The following CACNA1D variants were observed in gnomAD, a reference collection of about 807,000 sequenced individuals.
CACNA1D encodes the protein voltage-dependent L-type calcium channel subunit alpha-1D.
CACNA1D carries 55 observed loss-of-function variants against 257.1 expected under a neutral mutation model. That is an observed-to-expected ratio of 0.21 (90% confidence interval 0.17 to 0.27). The LOEUF (loss-of-function observed/expected upper bound fraction) is 0.27, where lower values mean the gene tolerates loss of function less well. Among genes scored for constraint, CACNA1D ranks in the 10% least tolerant of loss-of-function variants. CACNA1D has a pLI of 1.00. For synonymous variants in CACNA1D, 980 were observed against 1,014.9 expected (o/e 0.97, Z 0.65); for missense variants, 1,876 against 2,784.0 (o/e 0.67, Z 7.34).
intron 3 of CACNA1D, among the ~76,000 whole-genome samples, chr3:53,568,306 A>G (rs1254678008): frequency 6.6e-6 from 1 of 152,170 alleles, no homozygotes; most frequent in Admixed American, 6.5e-5. Flanking sequence ...ACTTCACACC[A>G]CTGGCATTGA....
chr3:53,696,889 G>A (rs2094577925), intron 8 of CACNA1D, among the ~76,000 whole-genome samples: 1 of 152,174 alleles, frequency 6.6e-6, no homozygotes, highest in Admixed American at 6.5e-5. Flanking sequence ...GAGGCAACAA[G>A]GAGCTGTGAG....
intron 26 of CACNA1D, among the ~76,000 whole-genome samples, chr3:53,747,732 G>A (rs2095184803): frequency 1.3e-5 from 2 of 152,200 alleles, no homozygotes; most frequent in Admixed American, 1.3e-4. Context: ...TGGATGTCAG[G>A]AAAGCTGCCA....
chr3:53,779,947 C>A, intron 37 of CACNA1D, 79 bp from the exon 38 acceptor site: 1 of 1,018,392 alleles, frequency 9.8e-7, no homozygotes, highest in Non-Finnish European at 1.6e-6. Flanking sequence ...GAGTGATAAA[C>A]GGAAAATAAA....
At chr3:53,545,236 A>G (rs1021736455) in intron 3 of CACNA1D, among the ~76,000 whole-genome samples, 1 of 152,216 alleles carries the variant, frequency 6.6e-6, no homozygotes, top group African/African-American at 2.4e-5. Flanking sequence ...AATGAATACA[A>G]AGTACTTGCC....
intron 8 of CACNA1D, among the ~76,000 whole-genome samples, chr3:53,698,874 C>T (rs1333005083): frequency 6.8e-6 from 1 of 147,556 alleles, no homozygotes; most frequent in Admixed American, 6.9e-5. Flanking sequence ...AACCAAAATT[C>T]TGGTTTGGAA....
intron 2 of CACNA1D, among the ~76,000 whole-genome samples, chr3:53,499,472 C>T (rs1277020926): frequency 6.6e-6 from 1 of 152,040 alleles, no homozygotes; most frequent in African/African-American, 2.4e-5. Flanking sequence ...ACAGAGTGTC[C>T]TGCCCCCTGG....
chr3:53,647,491 G>A (rs958813433), intron 3 of CACNA1D, among the ~76,000 whole-genome samples: 3 of 152,100 alleles, frequency 2.0e-5, no homozygotes, highest in Non-Finnish European at 2.9e-5. Context: ...TCCATCAGTC[G>A]TGGCCACAGA....
intron 37 of CACNA1D, 140 bp downstream of exon 37, chr3:53,777,096 G>A: frequency 1.4e-6 from 1 of 724,956 alleles, no homozygotes; most frequent in South Asian, 1.5e-5. Context: ...TCCTACCTCT[G>A]GGGAAATCTC....
At chr3:53,500,051 G>A (rs1057326649) in intron 2 of CACNA1D, among the ~76,000 whole-genome samples, 7 of 151,564 alleles carry the variant, frequency 4.6e-5, no homozygotes, top group African/African-American at 1.2e-4. Context: ...CCTTTTTTTC[G>A]TTGAGTTATG....
intron 5 of CACNA1D, 47 bp from the exon 6 acceptor site, chr3:53,665,613 G>C: frequency 6.8e-7 from 1 of 1,472,468 alleles, no homozygotes; most frequent in Non-Finnish European, 9.5e-7. Flanking sequence ...ATGATTCATT[G>C]GAGTGCCTTC....
chr3:53,659,428 T>C (rs1449452211), intron 4 of CACNA1D, among the ~76,000 whole-genome samples: 4 of 152,354 alleles, frequency 2.6e-5, no homozygotes, highest in Middle Eastern at 3.4e-3. Flanking sequence ...AGTGACTACA[T>C]TGACTACATA....
At chr3:53,616,256 GAGCTGA>G (rs2093635322) in intron 3 of CACNA1D, among the ~76,000 whole-genome samples, 1 of 152,184 alleles carries the variant, frequency 6.6e-6, no homozygotes, top group Non-Finnish European at 1.5e-5. Flanking sequence ...AACCTACCTG[GAGCTGA>G]AGAAAGGGTA....
intron 3 of CACNA1D, among the ~76,000 whole-genome samples, chr3:53,543,129 TAAAG>T (rs1217718422): frequency 1.7e-4 from 21 of 121,552 alleles, no homozygotes; most frequent in South Asian, 2.6e-4. Context: ...AAAAAATAAA[TAAAG>T]AAAGAAATAA....
intron 3 of CACNA1D, among the ~76,000 whole-genome samples, chr3:53,635,685 A>C (rs567740650): frequency 6.6e-6 from 1 of 152,110 alleles, no homozygotes; most frequent in South Asian, 2.1e-4. Context: ...GGGATTTGTG[A>C]GTCATAGTCT....
intron 3 of CACNA1D, among the ~76,000 whole-genome samples, chr3:53,597,628 T>C (rs2093386863): frequency 6.6e-6 from 1 of 152,176 alleles, no homozygotes; most frequent in South Asian, 2.1e-4. Flanking sequence ...ATCTCTCTAA[T>C]AAGTAAATGC....
intron 3 of CACNA1D, among the ~76,000 whole-genome samples, chr3:53,504,619 C>G (rs566585574): frequency 1.3e-5 from 2 of 152,180 alleles, no homozygotes; most frequent in East Asian, 1.9e-4. Context: ...ACAGTAATAG[C>G]CCTCCTAGTT....
At chr3:53,659,941 CT>C (rs2094186929) in intron 4 of CACNA1D, among the ~76,000 whole-genome samples, 191 bp from the exon 5 acceptor site, 1 of 152,230 alleles carries the variant, frequency 6.6e-6, no homozygotes, top group South Asian at 2.1e-4. Flanking sequence ...AGGTTAATCC[CT>C]GTCCCAATCA....
chr3:53,805,237 G>C, intron 45 of CACNA1D, 91 bp downstream of exon 45: 1 of 1,237,502 alleles, frequency 8.1e-7, no homozygotes, highest in African/African-American at 1.5e-5. Context: ...TGATGGATGT[G>C]TGCTGCCAGG....
At chr3:53,602,627 G>A (rs1426740755) in intron 3 of CACNA1D, among the ~76,000 whole-genome samples, 1 of 152,162 alleles carries the variant, frequency 6.6e-6, no homozygotes, top group Non-Finnish European at 1.5e-5. Context: ...GTTATTCCCT[G>A]TATTTTTGAT....
Sources: allele counts gnomAD v4.1 joint callset (sites outside exome capture counted in the v4.1 genomes callset), GRCh38; gene constraint gnomAD v4.1.1; transcripts MANE v1.5; gene names NCBI Gene and HGNC (gene_info 2026-07-23, HGNC 2026-07-21).